HCN1: variants seen among roughly 807,000 people sequenced by gnomAD.
HCN1 encodes the protein hyperpolarization activated cyclic nucleotide gated potassium channel 1.
HCN1 carries 13 observed loss-of-function variants against 78.9 expected under a neutral mutation model. That is an observed-to-expected ratio of 0.16 (90% CI 0.11 to 0.26). The LOEUF is 0.26. Among genes scored for constraint, HCN1 ranks in the 10% least tolerant of loss-of-function variants. The pLI is 1.00. For missense variants in HCN1, 810 were observed against 1,154.3 expected (o/e 0.70, Z 4.32); for synonymous variants, 552 against 455.5 (o/e 1.21, Z -2.70).
intron 3 of HCN1, among the ~76,000 whole-genome samples, chr5:45,438,443 T>A (rs1162266922): frequency 6.6e-6 from 1 of 151,666 alleles, no homozygotes; most frequent in Non-Finnish European, 1.5e-5. Flanking sequence ...ATATAAAAAA[T>A]TAGCGGGCGT....
At chr5:45,332,483 A>G (rs984024292) in intron 5 of HCN1, among the ~76,000 whole-genome samples, 3 of 150,850 alleles carry the variant, frequency 2.0e-5, no homozygotes, top group Non-Finnish European at 3.0e-5. Context: ...CCTTCCCCCA[A>G]CTAAACTTCT....
intron 2 of HCN1, among the ~76,000 whole-genome samples, chr5:45,536,889 C>T (rs564954399): frequency 1.3e-5 from 2 of 152,176 alleles, no homozygotes; most frequent in East Asian, 1.9e-4. Flanking sequence ...CAGGTAAAGT[C>T]GCCAATCAGT....
rs569681557 is a variant in HCN1, at chr5:45,264,979, A to G, written c.1783+2110T>C. On this transcript the variant is annotated intron_variant, in intron 7 of 7. Transcript: ENST00000303230. ...GCTGAGATGGGTGGATCATGAGGTT[A>G]GGAGGTCAAGACCGTCCTGGCCAAC... 3.3e-5 allele frequency among the ~76,000 whole-genome samples: 5 copies of G among 152,278 alleles called. No individual in the cohort carries two copies. The South Asian group carries it at 1.0e-3, about 32-fold the overall frequency.
At chr5:45,677,074 T>G (rs2112083287) in intron 1 of HCN1, among the ~76,000 whole-genome samples, 1 of 151,984 alleles carries the variant, frequency 6.6e-6, no homozygotes, top group South Asian at 2.1e-4. Context: ...GGCTAATTCC[T>G]ATTTGTCTTT....
At chr5:45,659,681 A>G (rs2096378628) in intron 1 of HCN1, among the ~76,000 whole-genome samples, 1 of 137,700 alleles carries the variant, frequency 7.3e-6, no homozygotes, top group Non-Finnish European at 1.5e-5. Flanking sequence ...AGCCGATGCA[A>G]TCAACTGGAA....
chr5:45,332,258 T>C (rs1746359696), intron 5 of HCN1, among the ~76,000 whole-genome samples: 1 of 151,482 alleles, frequency 6.6e-6, no homozygotes, highest in South Asian at 2.1e-4. Context: ...GTAATGCAGA[T>C]ACTTTTGTAT....
At position 45,593,315 on chromosome 5, in the gene HCN1, CTCTCTCCCTCT is replaced by C. The variant is rs1744417932; in HGVS notation, c.849+51859_849+51869del. Among the ~76,000 whole-genome samples, 444 of 117,214 alleles carry C rather than the reference CTCTCTCCCTCT, an allele frequency of 3.8e-3. 1 individual carries two copies. The highest frequency in any genetic ancestry group is 4.4e-3 in the Middle Eastern group (1 of 226). The allele number at this position is 117,214 out of a possible 152,430, so 76.9% of individuals were successfully genotyped here. ...ATTCTCTCTCTCTCTCTCTCTCTCT[CTCTCTCCCTCT>C]CTCTCTCTCTCTCTCACACACACAC... On this transcript the variant is annotated intron_variant, in intron 2 of 7. Transcript: ENST00000303230.
In HCN1 at chr5:45,653,879, C is replaced by T. The variant is rs1471702201; in HGVS notation, c.426-8271G>A. On this transcript the variant is annotated intron_variant, in intron 1 of 7. Coordinates refer to ENST00000303230, the MANE Select transcript of HCN1 (RefSeq NM_021072.4). ...TCACATGTATACATATGTAACTAAC[C>T]TGCACATTGTGCACATGTACCCTAA... 3.3e-5 allele frequency among the ~76,000 whole-genome samples: 5 copies of T among 151,828 alleles called. No individual in the cohort carries two copies. The East Asian group carries it at 9.7e-4, about 29-fold the overall frequency.
chr5:45,683,946 C>T (rs562116840), intron 1 of HCN1, among the ~76,000 whole-genome samples: 1 of 151,994 alleles, frequency 6.6e-6, no homozygotes, highest in East Asian at 1.9e-4. Flanking sequence ...GCTAGGATTA[C>T]AGGCATGAGC....
chr5:45,546,119 C>T (rs2111842095), intron 2 of HCN1, among the ~76,000 whole-genome samples: 1 of 152,042 alleles, frequency 6.6e-6, no homozygotes, highest in Non-Finnish European at 1.5e-5. Flanking sequence ...ATTTTCTCCT[C>T]AAGATTTCCA....
In HCN1 at chr5:45,446,093, C is replaced by A. The variant is rs556030983; in HGVS notation, c.1011+15753G>T. ...CTTCAGATGATCAAACTACTCTGAGCTACAGGAGGAAATTCAAACCAAAGG... is the reference window on the plus strand; with the variant it reads ...CTTCAGATGATCAAACTACTCTGAGATACAGGAGGAAATTCAAACCAAAGG... On this transcript the variant is annotated intron_variant, in intron 3 of 7. Coordinates refer to ENST00000303230, the MANE Select transcript of HCN1 (RefSeq NM_021072.4). Among the ~76,000 whole-genome samples, 52 of 151,992 alleles carry A rather than the reference C, an allele frequency of 3.4e-4. 1 individual carries two copies. The South Asian group carries it at 0.011, about 31-fold the overall frequency.
intron 2 of HCN1, among the ~76,000 whole-genome samples, chr5:45,471,573 T>C (rs1033707043): frequency 3.9e-5 from 6 of 151,960 alleles, no homozygotes; most frequent in Non-Finnish European, 8.8e-5. Context: ...CTTTACTCAC[T>C]TTGATTCTTT....
intron 1 of HCN1, among the ~76,000 whole-genome samples, chr5:45,677,022 G>T (rs1343633263): frequency 6.6e-6 from 1 of 151,568 alleles, no homozygotes; most frequent in Non-Finnish European, 1.5e-5. Context: ...ACTTTAACTT[G>T]CCAAGTATTC....
intron 2 of HCN1, among the ~76,000 whole-genome samples, chr5:45,564,405 G>A (rs529472804): frequency 1.2e-4 from 18 of 151,846 alleles, no homozygotes; most frequent in African/African-American, 4.1e-4. Context: ...GGACTACCAC[G>A]CCTGACTAAT....
chr5:45,418,223 A>G (rs1740157303), intron 3 of HCN1, among the ~76,000 whole-genome samples: 1 of 151,870 alleles, frequency 6.6e-6, no homozygotes, highest in Admixed American at 6.6e-5. Context: ...AAGTGTTTAT[A>G]ATGTACTCTG....
intron 2 of HCN1, among the ~76,000 whole-genome samples, chr5:45,550,793 T>G (rs1480443501): frequency 6.6e-6 from 1 of 152,032 alleles, no homozygotes; most frequent in Non-Finnish European, 1.5e-5. Context: ...TTTAATCCAT[T>G]GTGGTAGCAA....
intron 2 of HCN1, among the ~76,000 whole-genome samples, chr5:45,602,395 T>G: frequency 6.6e-6 from 1 of 152,088 alleles, no homozygotes; most frequent in South Asian, 2.1e-4. Context: ...AAAGACCATG[T>G]GAGGACACAG....
intron 2 of HCN1, among the ~76,000 whole-genome samples, chr5:45,601,278 C>G (rs1200475561): frequency 6.6e-6 from 1 of 152,060 alleles, no homozygotes; most frequent in African/African-American, 2.4e-5. Flanking sequence ...TTTTGTCACA[C>G]AGTAATTTCA....
intron 2 of HCN1, among the ~76,000 whole-genome samples, chr5:45,581,620 C>T (rs1220644938): frequency 6.6e-6 from 1 of 152,022 alleles, no homozygotes; most frequent in Non-Finnish European, 1.5e-5. Flanking sequence ...AATGGTATTG[C>T]CTAGGTTTTC....
Sources: allele counts gnomAD v4.1 joint callset (sites outside exome capture counted in the v4.1 genomes callset), GRCh38; gene constraint gnomAD v4.1.1; transcripts MANE v1.5; gene names NCBI Gene and HGNC (gene_info 2026-07-23, HGNC 2026-07-21).